ERC2: variants seen among roughly 807,000 people sequenced by gnomAD.
ERC2 encodes the protein ERC protein 2.
A neutral mutation model predicts 114.8 loss-of-function variants in ERC2; 42 were observed. That is an observed-to-expected ratio of 0.37 (90% CI 0.29 to 0.47). The LOEUF is 0.47. ERC2 is among the 20% of genes least tolerant of loss of function. The pLI is 0.99. For synonymous variants in ERC2, 454 were observed against 425.5 expected (o/e 1.07, Z -0.82); for missense variants, 939 against 1,150.7 (o/e 0.82, Z 2.66).
chr3:56,093,088 T>C (rs1315834521), intron 6 of ERC2, among the ~76,000 whole-genome samples: 3 of 152,196 alleles, frequency 2.0e-5, no homozygotes, highest in African/African-American at 4.8e-5. Flanking sequence ...TTAGGCACTG[T>C]ATTTGTTAGG....
At chr3:55,819,425 T>G (rs1204198734) in intron 14 of ERC2, among the ~76,000 whole-genome samples, 1 of 152,204 alleles carries the variant, frequency 6.6e-6, no homozygotes, top group Admixed American at 6.5e-5. Flanking sequence ...AGTCTATACA[T>G]GAAAACTCCT....
At position 55,862,174 on chromosome 3, in the gene ERC2, A is replaced by G. The variant is rs150207661; in HGVS notation, c.2564+26215T>C. On this transcript the variant is annotated intron_variant, in intron 14 of 17. Coordinates refer to ENST00000288221, the MANE Select transcript of ERC2 (RefSeq NM_015576.3). ...ACATACACATATATGTATTTTATGTATGTGTGTGTGTGTATATATATACAT... is the reference window on the plus strand; with the variant it reads ...ACATACACATATATGTATTTTATGTGTGTGTGTGTGTGTATATATATACAT... Among the ~76,000 whole-genome samples the G allele has an allele frequency of 3.5e-3, 531 of 152,020 alleles. 5 individuals carry two copies. Among genetic ancestry groups the G allele is most frequent in the African/African-American group, 0.012 (497 of 41,456 alleles).
chr3:55,625,374 G>A (rs199900763), intron 17 of ERC2, among the ~76,000 whole-genome samples: 17,818 of 115,482 alleles, frequency 0.15, no homozygotes, highest in Non-Finnish European at 0.19. Flanking sequence ...CTCAAAAAAA[G>A]AAAAAAAAAA....
intron 4 of ERC2, among the ~76,000 whole-genome samples, chr3:56,172,860 G>A (rs1294846811): frequency 1.3e-5 from 2 of 152,090 alleles, no homozygotes; most frequent in Non-Finnish European, 2.9e-5. Flanking sequence ...TCTCTCAGAA[G>A]GATTTTTCTA....
At chr3:56,239,073 C>T (rs1218160032) in intron 3 of ERC2, among the ~76,000 whole-genome samples, 1 of 152,138 alleles carries the variant, frequency 6.6e-6, no homozygotes, top group African/African-American at 2.4e-5. Flanking sequence ...CTCCATGTGG[C>T]ATAAGAATCA....
chr3:55,917,427 T>G (rs2065161828), intron 13 of ERC2, among the ~76,000 whole-genome samples: 1 of 152,144 alleles, frequency 6.6e-6, no homozygotes, highest in Non-Finnish European at 1.5e-5. Context: ...AATGAAATAC[T>G]AATACATGCT....
intron 2 of ERC2, among the ~76,000 whole-genome samples, chr3:56,324,821 C>T (rs2057284955): frequency 6.6e-6 from 1 of 152,066 alleles, no homozygotes; most frequent in Non-Finnish European, 1.5e-5. Flanking sequence ...TCACTTGGTT[C>T]CAAGCACTGC....
intron 3 of ERC2, among the ~76,000 whole-genome samples, chr3:56,176,823 G>T (rs2083005166): frequency 6.6e-6 from 1 of 152,198 alleles, no homozygotes; most frequent in Non-Finnish European, 1.5e-5. Flanking sequence ...CCATACAATA[G>T]AGTTGTTGCT....
intron 2 of ERC2, among the ~76,000 whole-genome samples, chr3:56,336,334 A>G (rs2057846496): frequency 2.0e-5 from 3 of 152,242 alleles, no homozygotes. Flanking sequence ...TGGAACATAG[A>G]AAAGGAGAGA....
intron 14 of ERC2, among the ~76,000 whole-genome samples, chr3:55,793,534 G>T (rs914117198): frequency 2.0e-5 from 3 of 152,056 alleles, no homozygotes; most frequent in Non-Finnish European, 2.9e-5. Flanking sequence ...GAGGGGCAGT[G>T]GGAGACTTAA....
At chr3:56,108,477 T>C (rs939386998) in intron 6 of ERC2, among the ~76,000 whole-genome samples, 1 of 152,070 alleles carries the variant, frequency 6.6e-6, no homozygotes, top group Admixed American at 6.5e-5. Context: ...TAGGAAAAAA[T>C]AATGATCTGA....
At chr3:56,282,168 G>A (rs912578006) in intron 3 of ERC2, among the ~76,000 whole-genome samples, 5 of 152,158 alleles carry the variant, frequency 3.3e-5, no homozygotes, top group South Asian at 2.1e-4. Flanking sequence ...CTATTAGACC[G>A]CAAGTCTCCT....
rs950546111 is a variant in ERC2, at chr3:55,688,949, G to A, written c.2848-5090C>T. Among the ~76,000 whole-genome samples the A allele has an allele frequency of 5.3e-5, 8 of 152,134 alleles. No individual in the cohort carries two copies. In the South Asian group the frequency reaches 6.2e-4, roughly 12 times the overall value. ...AGAATGACTCTTCCCCTCTTCTATC[G>A]CACGAGCCACATCTCTGGTTTATTC... On this transcript the variant is annotated intron_variant, in intron 16 of 17. Transcript: ENST00000288221.
At chr3:56,054,994 T>G (rs2149693659) in intron 7 of ERC2, among the ~76,000 whole-genome samples, 1 of 152,336 alleles carries the variant, frequency 6.6e-6, no homozygotes, top group East Asian at 1.9e-4. Context: ...AATTCAATAT[T>G]GCAACACTGA....
chr3:56,042,185 G>C (rs367764813), intron 7 of ERC2, among the ~76,000 whole-genome samples: 3 of 152,134 alleles, frequency 2.0e-5, no homozygotes, highest in Admixed American at 2.0e-4. Flanking sequence ...GGAGGGAAAA[G>C]AACTAGTTTC....
chr3:56,028,800 T>C (rs2074204939), intron 7 of ERC2, among the ~76,000 whole-genome samples: 1 of 152,050 alleles, frequency 6.6e-6, no homozygotes, highest in Non-Finnish European at 1.5e-5. Flanking sequence ...GACACTTTTT[T>C]CTTTCCTTAT....
At chr3:55,908,788 T>C (rs2064624108) in intron 13 of ERC2, among the ~76,000 whole-genome samples, 1 of 152,042 alleles carries the variant, frequency 6.6e-6, no homozygotes, top group African/African-American at 2.4e-5. Flanking sequence ...GTGCTCTAGG[T>C]TCTGGGGAAT....
chr3:56,094,246 A>G (rs1049282449), intron 6 of ERC2, among the ~76,000 whole-genome samples: 1 of 152,202 alleles, frequency 6.6e-6, no homozygotes, highest in Non-Finnish European at 1.5e-5. Flanking sequence ...AGGGACTCAG[A>G]AGGCCTTGGC....
intron 17 of ERC2, among the ~76,000 whole-genome samples, chr3:55,573,999 C>T (rs908907653): frequency 6.6e-6 from 1 of 152,170 alleles, no homozygotes; most frequent in African/African-American, 2.4e-5. Flanking sequence ...TTTATCCTTG[C>T]ATTTGTACAG....
Sources: gnomAD v4.1 joint callset for allele counts (sites outside exome capture counted in the v4.1 genomes callset) on GRCh38, gnomAD v4.1.1 for gene constraint, MANE v1.5 for transcripts, NCBI Gene and HGNC (gene_info 2026-07-23, HGNC 2026-07-21) for gene names.